The following CACNB3 variants were observed in gnomAD, a reference collection of about 807,000 sequenced individuals.
CACNB3 encodes calcium voltage-gated channel auxiliary subunit beta 3.
Under a neutral mutation model 63.7 loss-of-function variants are expected in CACNB3, and 36 were observed. The observed-to-expected ratio is 0.57, with a 90% CI of 0.43 to 0.75. CACNB3 has a LOEUF of 0.75. Among genes scored for constraint, CACNB3 ranks in the 30% least tolerant of loss-of-function variants. CACNB3 has a pLI of 0.00. For missense variants in CACNB3, 493 were observed against 648.6 expected, an observed-to-expected ratio of 0.76 and a Z score of 2.61; for synonymous variants, 241 against 250.6, an observed-to-expected ratio of 0.96 and a Z score of 0.36.
Position 48,827,740 on chromosome 12 carries a change from CTACCAGGACCTG to C in CACNB3, c.1303_1314del (p.Asp435_Gln438del), listed in dbSNP as rs1938229286. On this transcript the variant is annotated inframe_deletion, in exon 13 of 13. Coordinates refer to ENST00000301050, the MANE Select transcript of CACNB3 (RefSeq NM_000725.4). The stretch of plus-strand genomic sequence containing the variant: ...ACCTGGAGGAGGACTATGCAGATGC[CTACCAGGACCTG>C]TACCAGCCTCACCGCCAACACACCT... 1.9e-6 allele frequency: 3 copies of C among 1,614,062 alleles called. No homozygotes were observed. Among genetic ancestry groups the C allele is most frequent in the Admixed American group, 1.7e-5 (1 of 60,016 alleles).
upstream of CACNB3, among the ~76,000 whole-genome samples, chr12:48,817,546 G>A (rs1942314438): frequency 6.6e-6 from 1 of 152,174 alleles, no homozygotes; most frequent in African/African-American, 2.4e-5. Context: ...AAGGAATTTT[G>A]CTCAGGAGAT....
At chr12:48,815,637 G>T (rs761894051), upstream of CACNB3, 33 of 1,532,404 alleles carry the variant, frequency 2.2e-5, no homozygotes, top group South Asian at 3.6e-4. Flanking sequence ...TTTTGCTCCC[G>T]CCTCGGAGCC....
rs1276674694 is a variant in CACNB3, at chr12:48,825,454, G to A, written c.594G>A (p.Lys198=). Residue 198 remains lysine, a synonymous_variant, in exon 8 of 13, where the codon AAG becomes AAA. Transcript: ENST00000301050. The surrounding 1 kb of genome is among the most constrained non-coding windows in gnomAD (Gnocchi z 4.5). The part of the protein sequence containing the change: ...KGYEVTDMMQ[K]ALFDFLKHRF... ...CCCAGGTCACAGACATGATGCAGAA[G>A]GCTCTCTTCGACTTCCTCAAACACA... 2 of 1,614,186 alleles carry A rather than the reference G, an allele frequency of 1.2e-6. No homozygotes were observed. The highest frequency in any genetic ancestry group is 1.7e-6 in the Non-Finnish European group (2 of 1,180,034).
At position 48,826,494 on chromosome 12, in the gene CACNB3, C is replaced by CT; in HGVS notation, c.873dup (p.Val292CysfsTer32). 6.2e-7 allele frequency: 1 copy of CT among 1,614,158 alleles called. No individual in the cohort carries two copies. Reference sequence around the variant, plus strand: ...AGACCTCGCTGGCCCCCATCATCGTCTTTGTCAAAGTGTCCTCACCAAAGG... The same window carrying CT: ...AGACCTCGCTGGCCCCCATCATCGTCTTTTGTCAAAGTGTCCTCACCAAAGG... On this transcript the variant is annotated frameshift_variant, in exon 10 of 13. Transcript: ENST00000301050. LOFTEE classifies it high-confidence loss of function. The surrounding 1 kb of genome is among the most constrained non-coding windows in gnomAD (Gnocchi z 4.8).
At chr12:48,821,937 A>T (rs1008422553) in intron 1 of CACNB3, among the ~76,000 whole-genome samples, 5 of 152,114 alleles carry the variant, frequency 3.3e-5, no homozygotes, top group African/African-American at 1.2e-4. Context: ...GCCTGGGCTG[A>T]CCCCTAGCTG....
At chr12:48,824,561 A>T (rs1938024943) in intron 4 of CACNB3, 108 bp from the exon 5 acceptor site, 1 of 1,192,486 alleles carries the variant, frequency 8.4e-7, no homozygotes, top group African/African-American at 1.5e-5. Context: ...CACCTGTCTC[A>T]CTAGATAAAG....
At position 48,823,943 on chromosome 12, in the gene CACNB3, C is replaced by A. The variant is rs993057978; in HGVS notation, c.291+140C>A. 8 of 1,077,496 alleles carry A rather than the reference C, an allele frequency of 7.4e-6. No homozygotes were observed. In the African/African-American group the frequency reaches 1.1e-4, roughly 15 times the overall value. The allele number at this position is 1,077,496 out of a possible 1,614,324, so 66.7% of individuals were successfully genotyped here. The stretch of plus-strand genomic sequence containing the variant: ...CTCCTTAACACACACCTGTCCACCC[C>A]TCATATCTAAGATCTCATCCCCAGG... On this transcript the variant is annotated intron_variant, in intron 3 of 12. Coordinates refer to ENST00000301050, the MANE Select transcript of CACNB3 (RefSeq NM_000725.4). This position sits in a 1 kb window ranked among gnomAD's most constrained non-coding sequence, Gnocchi z 4.2.
In CACNB3 at chr12:48,827,601, G is replaced by C. The variant is rs148597594; in HGVS notation, c.1157G>C (p.Gly386Ala). ...GGCCCCCAGAACCAGCAGCTGCTGG[G>C]GGAGCGTGGCGAGGAGCACTCCCCC... ...IPGLQNQQLL[G>A]ERGEEHSPLE... The change falls in exon 13 of 13, where the codon GGG (glycine) becomes GCG (alanine). Residue 386 changes from glycine to alanine, a missense_variant. Coordinates refer to ENST00000301050, the MANE Select transcript of CACNB3 (RefSeq NM_000725.4). 1.3e-5 allele frequency: 21 copies of C among 1,612,596 alleles called. No homozygotes were observed. In the African/African-American group the frequency reaches 1.7e-4, roughly 13 times the overall value.
In CACNB3 at chr12:48,826,265, C is replaced by T; in HGVS notation, c.743-102C>T. The T allele has an allele frequency of 8.3e-7, 1 of 1,203,064 alleles. No individual in the cohort carries two copies. The highest frequency in any genetic ancestry group is 1.2e-6 in the Non-Finnish European group (1 of 833,070). 74.5% of individuals were successfully genotyped at this position (1,203,064 alleles called of 1,614,324 possible). A position where few individuals can be genotyped will look rare whatever the true frequency, so the allele number is the denominator to read the frequency against. ...TCCAGGCTTCGATGAATGCCCTTTT[C>T]CTCCAATTCCTTCCTGTCCACCATT... On this transcript the variant is annotated intron_variant, in intron 9 of 12. Transcript: ENST00000301050. This position sits in a 1 kb window ranked among gnomAD's most constrained non-coding sequence, Gnocchi z 4.8.
rs1352385413 is a variant in CACNB3 at position 48,826,784 on chromosome 12, G to A, written c.920G>A (p.Arg307Gln). Reference protein sequence around the residue: ...PKVLQRLIRSRGKSQMKHLTV... With the variant: ...PKVLQRLIRSQGKSQMKHLTV... ...GTACTCCAGCGTCTCATTCGCTCCC[G>A]GGGGAAGTCACAGATGAAGCACCTG... The change falls in exon 11 of 13, where the codon CGG becomes CAG. Residue 307 changes from arginine to glutamine, a missense_variant. Transcript: ENST00000301050. The surrounding 1 kb of genome is among the most constrained non-coding windows in gnomAD (Gnocchi z 4.8). The A allele has an allele frequency of 3.7e-6, 6 of 1,613,650 alleles. No individual in the cohort carries two copies. The highest frequency in any genetic ancestry group is 2.2e-5 in the East Asian group (1 of 44,870).
rs1376811214 is a variant in CACNB3 at position 48,826,872 on chromosome 12, C to G, written c.990+18C>G. 2 of 1,612,396 alleles carry G rather than the reference C, an allele frequency of 1.2e-6. No individual in the cohort carries two copies. The highest frequency in any genetic ancestry group is 1.7e-6 in the Non-Finnish European group (2 of 1,178,442). On this transcript the variant is annotated intron_variant, in intron 11 of 12. Transcript: ENST00000301050. This position sits in a 1 kb window ranked among gnomAD's most constrained non-coding sequence, Gnocchi z 4.8. ...GCCCACCGGTGAGTGCCTGGGTCAG[C>G]TGCTCCTGTGCCCACTCCCCCAGGG...
Position 48,823,357 on chromosome 12 carries a change from C to T in CACNB3, c.59C>T (p.Ser20Phe). 1 of 1,614,090 alleles carries T rather than the reference C, an allele frequency of 6.2e-7. No homozygotes were observed. The highest frequency in any genetic ancestry group is 8.5e-7 in the Non-Finnish European group (1 of 1,179,954). Residue 20 changes from serine (S) to phenylalanine (F), a missense_variant, in exon 2 of 13, where the codon TCC becomes TTC. By Grantham distance (155) the Ser-to-Phe change is radical (BLOSUM62 -2). Coordinates refer to ENST00000301050, the MANE Select transcript of CACNB3 (RefSeq NM_000725.4). The surrounding 1 kb of genome is among the most constrained non-coding windows in gnomAD (Gnocchi z 4.2). Reference protein sequence around the residue: ...FEDSEAGSADSYTSRPSLDSD... With the variant: ...FEDSEAGSADFYTSRPSLDSD... ...TTCCCAACCCAGGGTTCAGCCGACT[C>T]CTACACCAGCCGCCCATCTCTGGAC...
At position 48,827,826 on chromosome 12, in the gene CACNB3, C is replaced by T. The variant is rs199828500; in HGVS notation, c.1382C>T (p.Ala461Val). The T allele has an allele frequency of 6.1e-5, 98 of 1,614,156 alleles. No homozygotes were observed. The East Asian group carries it at 2.1e-3, about 35-fold the overall frequency. ...NGHDPQDRLL[A>V]QDSEHNHSDR... ...CATGACCCCCAAGACCGGCTTCTAG[C>T]CCAGGACTCAGAGCACAACCACAGT... The change falls in exon 13 of 13, where the codon GCC becomes GTC. Residue 461 changes from alanine to valine, a missense_variant. Ala to Val is a moderately conservative substitution (Grantham distance 64, BLOSUM62 0). Coordinates refer to ENST00000301050, the MANE Select transcript of CACNB3 (RefSeq NM_000725.4).
chr12:48,818,574 C>T lies in CACNB3; in HGVS notation c.-356C>T. 9.3e-7 allele frequency: 1 copy of T among 1,073,772 alleles called. No homozygotes were observed. Among genetic ancestry groups the T allele is most frequent in the Non-Finnish European group, 1.1e-6 (1 of 887,468 alleles). 66.5% of individuals were successfully genotyped at this position (1,073,772 alleles called of 1,614,324 possible). On this transcript the variant is annotated 5_prime_UTR_variant, in exon 1 of 13. Coordinates refer to ENST00000301050, the MANE Select transcript of CACNB3 (RefSeq NM_000725.4). This position sits in a 1 kb window ranked among gnomAD's most constrained non-coding sequence, Gnocchi z 4.3. ...CCTAGCACGGGTTCGTTCCCCTCTC[C>T]CGGCCTGGCCCGGGCTCCCCGGTGG...
intron 1 of CACNB3, among the ~76,000 whole-genome samples, chr12:48,822,119 C>CTA (rs1454038159): frequency 6.6e-6 from 1 of 152,150 alleles, no homozygotes; most frequent in East Asian, 1.9e-4. Flanking sequence ...GCCCCTTCCC[C>CTA]TATACACACA....
At position 48,826,049 on chromosome 12, in the gene CACNB3, G is replaced by C. The variant is rs146433187; in HGVS notation, c.742+280G>C. On this transcript the variant is annotated intron_variant, in intron 9 of 12. Coordinates refer to ENST00000301050, the MANE Select transcript of CACNB3 (RefSeq NM_000725.4). This position sits in a 1 kb window ranked among gnomAD's most constrained non-coding sequence, Gnocchi z 4.8. ...TCACCATGTTGGCCAGGCTGGTCTC[G>C]AACTCCTGACCTCAAGTGATCGGCC... Among the ~76,000 whole-genome samples, 2,987 of 152,150 alleles carry C rather than the reference G, an allele frequency of 0.02. 102 individuals carry two copies. Among genetic ancestry groups the C allele is most frequent in the African/African-American group, 0.069 (2,848 of 41,496 alleles).
At chr12:48,818,160 GGA>G (rs1431773417), upstream of CACNB3, among the ~76,000 whole-genome samples, 3 of 152,118 alleles carry the variant, frequency 2.0e-5, no homozygotes, top group African/African-American at 7.2e-5. This position sits in a 1 kb window ranked among gnomAD's most constrained non-coding sequence, Gnocchi z 4.3. Flanking sequence ...GGAGCCTCCG[GGA>G]CGCACGGGCC....
At position 48,827,996 on chromosome 12, in the gene CACNB3, A is replaced by G. The variant is rs757479602; in HGVS notation, c.*97A>G. On this transcript the variant is annotated 3_prime_UTR_variant, in exon 13 of 13. Coordinates refer to ENST00000301050, the MANE Select transcript of CACNB3 (RefSeq NM_000725.4). ...GTTAGACTGGCATCAGGCTGGCACT[A>G]GGCTCAGCCCCCAAAACCCCCTGCC... 2 of 1,067,892 alleles carry G rather than the reference A, an allele frequency of 1.9e-6. No individual in the cohort carries two copies. The highest frequency in any genetic ancestry group is 2.7e-6 in the Non-Finnish European group (2 of 727,630). 66.2% of individuals were successfully genotyped at this position (1,067,892 alleles called of 1,614,324 possible).
At chr12:48,815,439 G>C (rs982512043), upstream of CACNB3, 1 of 823,086 alleles carries the variant, frequency 1.2e-6, no homozygotes, top group Middle Eastern at 3.7e-4. Flanking sequence ...AGAGAGGCTG[G>C]GCTGAAAGGC....
Sources: allele counts gnomAD v4.1 joint callset (sites outside exome capture counted in the v4.1 genomes callset), GRCh38; gene constraint gnomAD v4.1.1; non-coding constraint Gnocchi (gnomAD v3.1); transcripts MANE v1.5; gene names NCBI Gene and HGNC (gene_info 2026-07-23, HGNC 2026-07-21).